The following ZBTB32 variants were observed in gnomAD, a reference collection of about 807,000 sequenced individuals.
ZBTB32 encodes the protein zinc finger and BTB domain-containing protein 32.
ZBTB32 carries 28 observed loss-of-function variants against 45.3 expected under a neutral mutation model. The ratio of observed to expected loss-of-function variants is 0.62; its 90% CI spans 0.46 to 0.85. The LOEUF (loss-of-function observed/expected upper bound fraction) is 0.85, where lower values mean the gene tolerates loss of function less well. Among genes scored for constraint, ZBTB32 ranks in the 40% least tolerant of loss-of-function variants. The pLI, the probability that ZBTB32 is intolerant of heterozygous loss-of-function variation, is 0.00. For missense variants in ZBTB32, 587 were observed against 624.4 expected, an observed-to-expected ratio of 0.94 and a Z score of 0.64; for synonymous variants, 283 against 255.7, an observed-to-expected ratio of 1.11 and a Z score of -1.02.
chr19:35,716,326 T>C, intron 6 of ZBTB32, 29 bp downstream of exon 6: 1 of 1,612,116 alleles, frequency 6.2e-7, no homozygotes, highest in African/African-American at 1.3e-5. Flanking sequence ...GTGTGAACTG[T>C]CGGCTTTCTT....
chr19:35,709,599 G>A (rs914568983), intron 1 of ZBTB32, among the ~76,000 whole-genome samples: 2 of 152,130 alleles, frequency 1.3e-5, no homozygotes, highest in Admixed American at 1.3e-4. Context: ...TCAGATTTCA[G>A]GCCAGGCGTG....
intron 6 of ZBTB32, 89 bp downstream of exon 6, chr19:35,716,386 C>G: frequency 1.3e-6 from 2 of 1,590,284 alleles, no homozygotes; most frequent in Non-Finnish European, 1.7e-6. Flanking sequence ...CCCGCGCAAT[C>G]CCCTAGCCCC....
chr19:35,716,112 T>C, intron 5 of ZBTB32, 21 bp from the exon 6 acceptor site: 1 of 1,612,938 alleles, frequency 6.2e-7, no homozygotes, highest in Non-Finnish European at 8.5e-7. Context: ...CTGCCCTCCT[T>C]TGCCTTCTCT....
In ZBTB32 at chr19:35,714,926, G is replaced by A. The variant is rs749168534; in HGVS notation, c.300G>A (p.Leu100=). The change falls in exon 3 of 7, where the codon TTG becomes TTA. Residue 100 remains leucine (L), a synonymous_variant. Coordinates refer to ENST00000392197, the MANE Select transcript of ZBTB32 (RefSeq NM_014383.3). ...LRPLQEAARA[L]GVQSLEEACW... ...CCCTTCAGGAGGCGGCCAGGGCCTTGGGAGTGCAGTCCCTGGAAGAGGCAT... is the reference window on the plus strand; with the variant it reads ...CCCTTCAGGAGGCGGCCAGGGCCTTAGGAGTGCAGTCCCTGGAAGAGGCAT... 2.5e-6 allele frequency: 4 copies of A among 1,582,804 alleles called. No homozygotes were observed. The highest frequency in any genetic ancestry group is 3.4e-6 in the Non-Finnish European group (4 of 1,164,312).
At chr19:35,712,435 G>C (rs533768635) in intron 1 of ZBTB32, among the ~76,000 whole-genome samples, 167 of 152,326 alleles carry the variant, frequency 1.1e-3, no homozygotes, top group African/African-American at 3.9e-3. Flanking sequence ...GGGCAACAGA[G>C]CAAGACCCCG....
chr19:35,716,788 TAAAG>T lies in ZBTB32; in HGVS notation c.*39_*42del, dbSNP rs571028411. 187 of 1,574,892 alleles carry T rather than the reference TAAAG, an allele frequency of 1.2e-4. No individual in the cohort carries two copies. The African/African-American group carries it at 2.3e-3, about 20-fold the overall frequency. On this transcript the variant is annotated 3_prime_UTR_variant, in exon 7 of 7. Coordinates refer to ENST00000392197, the MANE Select transcript of ZBTB32 (RefSeq NM_014383.3). ...GTAGCGTCTTAGCCAAGAGTCCAAT[TAAAG>T]AACGAAAAGCGGGCCGGCTCGGCTT...
In ZBTB32 at chr19:35,716,301, T is replaced by G. The variant is rs2057245014; in HGVS notation, c.1189+4T>G. 3.7e-6 allele frequency: 6 copies of G among 1,613,868 alleles called. No individual in the cohort carries two copies. The highest frequency in any genetic ancestry group is 5.1e-6 in the Non-Finnish European group (6 of 1,179,972). ...ACGCACTACCGAGTCCACACAGGTATGGGCGCCCTGCCCTGTGTGAACTGT... is the reference window on the plus strand; with the variant it reads ...ACGCACTACCGAGTCCACACAGGTAGGGGCGCCCTGCCCTGTGTGAACTGT... On this transcript the variant is annotated splice_donor_region_variant and intron_variant, in intron 6 of 6. Transcript: ENST00000392197.
At chr19:35,715,592 C>A in intron 3 of ZBTB32, 85 bp downstream of exon 3, 1 of 1,488,612 alleles carries the variant, frequency 6.7e-7, no homozygotes, top group Non-Finnish European at 9.0e-7. Context: ...AAGGGCACTG[C>A]ATCTCTACTG....
chr19:35,712,433 G>C (rs2234362), intron 1 of ZBTB32, among the ~76,000 whole-genome samples: 7,366 of 152,292 alleles, frequency 0.048, 218 homozygotes, highest in South Asian at 0.086. Context: ...CTGGGCAACA[G>C]AGCAAGACCC....
intron 2 of ZBTB32, chr19:35,714,316 C>A: frequency 3.9e-6 from 1 of 254,040 alleles, no homozygotes; most frequent in Non-Finnish European, 7.4e-6. Context: ...CTGTCTTAAA[C>A]CCACTACTAG....
At chr19:35,711,011 G>A (rs1249109517) in intron 1 of ZBTB32, among the ~76,000 whole-genome samples, 6 of 152,188 alleles carry the variant, frequency 3.9e-5, no homozygotes, top group Non-Finnish European at 8.8e-5. Context: ...TTCACTGAAA[G>A]GGGAGTTCCC....
Position 35,715,313 on chromosome 19 carries a change from C to A in ZBTB32, c.687C>A (p.Leu229=). ...GCTCTGAGGAAAGTCTGCGCAAGCT[C>A]CCTGGCCCCCTTCCCCCAGCAGGCT... ...PGGSEESLRK[L]PGPLPPAGSL... is the part of the protein sequence containing the mutation. The change falls in exon 3 of 7, where the codon CTC becomes CTA. Residue 229 remains leucine, a synonymous_variant. Coordinates refer to ENST00000392197, the MANE Select transcript of ZBTB32 (RefSeq NM_014383.3). 7 of 1,590,536 alleles carry A rather than the reference C, an allele frequency of 4.4e-6. No homozygotes were observed. The highest frequency in any genetic ancestry group is 6.0e-6 in the Non-Finnish European group (7 of 1,170,060).
intron 1 of ZBTB32, among the ~76,000 whole-genome samples, chr19:35,707,769 G>A (rs1314463145): frequency 6.6e-6 from 1 of 152,054 alleles, no homozygotes; most frequent in Non-Finnish European, 1.5e-5. Flanking sequence ...ATCACTTGAG[G>A]TCAGAAGTTT....
At chr19:35,709,676 G>A (rs1036834936) in intron 1 of ZBTB32, among the ~76,000 whole-genome samples, 10 of 152,098 alleles carry the variant, frequency 6.6e-5, no homozygotes, top group African/African-American at 1.7e-4. Flanking sequence ...TCAGGAGTTC[G>A]AGACCAGCCT....
intron 1 of ZBTB32, among the ~76,000 whole-genome samples, chr19:35,709,500 G>A (rs1201814873): frequency 1.3e-5 from 2 of 152,140 alleles, no homozygotes; most frequent in Non-Finnish European, 2.9e-5. Context: ...GGGAAGCTTT[G>A]ACTTTGCAGC....
chr19:35,716,910 G>A lies in ZBTB32; in HGVS notation c.*158G>A. 1 of 824,708 alleles carries A rather than the reference G, an allele frequency of 1.2e-6. No homozygotes were observed. 51.1% of individuals were successfully genotyped at this position (824,708 alleles called of 1,614,324 possible). A position where few individuals can be genotyped will look rare whatever the true frequency, so the allele number is the denominator to read the frequency against. On this transcript the variant is annotated 3_prime_UTR_variant, in exon 7 of 7. Transcript: ENST00000392197. ...GAGTGCCCTCTCCTGGACGATCGCG[G>A]GTCGCAGAAGCCCAGGCCAGCGAGC...
Position 35,715,193 on chromosome 19 carries a change from C to G in ZBTB32, c.567C>G (p.Thr189=). The change falls in exon 3 of 7, where the codon ACC becomes ACG. Residue 189 remains threonine (T), a synonymous_variant. Coordinates refer to ENST00000392197, the MANE Select transcript of ZBTB32 (RefSeq NM_014383.3). ...CGCAGGAGGCTCAGCAGGAACAGAC[C>G]AGGTCAAAGGAGAAACGCCTCCAAG... is the stretch of plus-strand genomic sequence containing the variant. ...GATQEAQQEQ[T]RSKEKRLQAP... 1 of 1,612,096 alleles carries G rather than the reference C, an allele frequency of 6.2e-7. No homozygotes were observed. The highest frequency in any genetic ancestry group is 8.5e-7 in the Non-Finnish European group (1 of 1,179,654).
At chr19:35,708,194 A>C (rs1234809447) in intron 1 of ZBTB32, among the ~76,000 whole-genome samples, 1 of 152,084 alleles carries the variant, frequency 6.6e-6, no homozygotes, top group African/African-American at 2.4e-5. Flanking sequence ...TCAGTCTACA[A>C]ATCCCTTACA....
rs80273966 is a variant in ZBTB32 at position 35,712,686 on chromosome 19, C to A, written c.-221-231C>A. Among the ~76,000 whole-genome samples the A allele has an allele frequency of 2.7e-3, 408 of 152,286 alleles. 7 individuals carry two copies. Among genetic ancestry groups the A allele is most frequent in the Admixed American group, 0.02 (312 of 15,298 alleles). On this transcript the variant is annotated intron_variant, in intron 1 of 6. Coordinates refer to ENST00000392197, the MANE Select transcript of ZBTB32 (RefSeq NM_014383.3). The stretch of plus-strand genomic sequence containing the variant: ...TCAGAGAAATGTCATTTGTCATCAG[C>A]CCAAGAAAAGGAGATTTTTCTCTTC...
Sources: gnomAD v4.1 joint callset for allele counts (sites outside exome capture counted in the v4.1 genomes callset) on GRCh38, gnomAD v4.1.1 for gene constraint, MANE v1.5 for transcripts, NCBI Gene and HGNC (gene_info 2026-07-23, HGNC 2026-07-21) for gene names.